The following UNC79 variants were observed in gnomAD, a reference collection of about 807,000 sequenced individuals.
UNC79 encodes unc-79 subunit of NALCN channel complex.
A neutral mutation model predicts 283.1 loss-of-function variants in UNC79; 37 were observed. That is an observed-to-expected ratio of 0.13 (90% CI 0.10 to 0.17). UNC79 has a LOEUF of 0.17. Among genes scored for constraint, UNC79 ranks in the 10% least tolerant of loss-of-function variants. The probability of loss-of-function intolerance (pLI) is 1.00; values close to 1 mark genes in which losing one functional copy is unlikely to be tolerated. For missense variants in UNC79, 2,272 were observed against 3,211.1 expected (o/e 0.71, Z 7.07); for synonymous variants, 1,107 against 1,200.2 (o/e 0.92, Z 1.61).
At chr14:93,532,447 T>A in intron 10 of UNC79, 103 bp from the exon 11 acceptor site, 1 of 1,370,592 alleles carries the variant, frequency 7.3e-7, no homozygotes, top group Non-Finnish European at 9.9e-7. Flanking sequence ...TCCAGCCTGA[T>A]TGACAGAGTG....
At chr14:93,461,583 G>A (rs919718673) in intron 1 of UNC79, among the ~76,000 whole-genome samples, 6 of 152,050 alleles carry the variant, frequency 3.9e-5, no homozygotes, top group African/African-American at 4.8e-5. Context: ...GCTGTAAAAA[G>A]CCATTCTTTC....
At chr14:93,548,279 T>C (rs1160261953) in intron 14 of UNC79, among the ~76,000 whole-genome samples, 3 of 152,148 alleles carry the variant, frequency 2.0e-5, no homozygotes, top group Admixed American at 2.0e-4. Flanking sequence ...GGTAGCTCTC[T>C]GAGGTCCCTT....
intron 11 of UNC79, among the ~76,000 whole-genome samples, chr14:93,533,008 A>T (rs541524310): frequency 3.9e-5 from 6 of 152,312 alleles, no homozygotes; most frequent in Non-Finnish European, 8.8e-5. Context: ...GTATATGGAA[A>T]GTATTTATGT....
intron 1 of UNC79, among the ~76,000 whole-genome samples, chr14:93,391,183 A>G (rs1397113349): frequency 6.6e-6 from 1 of 152,244 alleles, no homozygotes; most frequent in Non-Finnish European, 1.5e-5. Context: ...CAAAGGTGCC[A>G]TTGCACAGTA....
At chr14:93,544,646 T>C (rs2061518334) in intron 14 of UNC79, among the ~76,000 whole-genome samples, 1 of 152,210 alleles carries the variant, frequency 6.6e-6, no homozygotes, top group Non-Finnish European at 1.5e-5. Context: ...GGTTGATTTC[T>C]ATAGAGGGAA....
exon 17 of UNC79, chr14:93,575,190 T>C: frequency 1.2e-6 from 2 of 1,613,628 alleles, no homozygotes; most frequent in Non-Finnish European, 1.7e-6. Flanking sequence ...GAACCTTGCA[T>C]CTCGAAGGGT....
At chr14:93,655,621 A>G (rs1293003814) in intron 38 of UNC79, among the ~76,000 whole-genome samples, 1 of 150,486 alleles carries the variant, frequency 6.6e-6, no homozygotes, top group Non-Finnish European at 1.5e-5. Flanking sequence ...CTGACTATGA[A>G]TATGCATGTT....
intron 3 of UNC79, among the ~76,000 whole-genome samples, chr14:93,477,052 C>T (rs2057842843): frequency 6.6e-6 from 1 of 152,208 alleles, no homozygotes; most frequent in South Asian, 2.1e-4. Context: ...ACTCAATGCA[C>T]ATGGTCATGT....
At position 93,474,147 on chromosome 14, in the gene UNC79, A is replaced by G. The variant is rs961810980; in HGVS notation, c.202A>G (p.Met68Val). 1 of 1,536,062 alleles carries G rather than the reference A, an allele frequency of 6.5e-7. No homozygotes were observed. Among genetic ancestry groups the G allele is most frequent in the Non-Finnish European group, 8.7e-7 (1 of 1,146,844 alleles). ...AGATGCCTCCAATTTGACAGTGCCCATGACCATGTGTCTTTTTCCTGTGCC... is the reference window on the plus strand; with the variant it reads ...AGATGCCTCCAATTTGACAGTGCCCGTGACCATGTGTCTTTTTCCTGTGCC... Residue 68 changes from methionine to valine, a missense_variant, in exon 3 of 49, where the codon ATG becomes GTG. Transcript: ENST00000555664. The surrounding 1 kb of genome is among the most constrained non-coding windows in gnomAD (Gnocchi z 4.1).
At chr14:93,655,669 A>G (rs1470095707) in intron 38 of UNC79, among the ~76,000 whole-genome samples, 1 of 151,960 alleles carries the variant, frequency 6.6e-6, no homozygotes, top group African/African-American at 2.4e-5. Flanking sequence ...AAACAAAAAA[A>G]CAGCCAGGAA....
At chr14:93,635,531 A>T (rs2068437363) in intron 31 of UNC79, among the ~76,000 whole-genome samples, 1 of 152,190 alleles carries the variant, frequency 6.6e-6, no homozygotes, top group Non-Finnish European at 1.5e-5. Context: ...GATGACTATG[A>T]ATTATAATAT....
chr14:93,598,834 G>A (rs978122593), intron 24 of UNC79, among the ~76,000 whole-genome samples: 1 of 152,140 alleles, frequency 6.6e-6, no homozygotes, highest in African/African-American at 2.4e-5. Context: ...CTGAATTATA[G>A]TTTTAATCAA....
At chr14:93,383,725 C>T (rs114947568) in intron 1 of UNC79, among the ~76,000 whole-genome samples, 1,611 of 152,066 alleles carry the variant, frequency 0.011, 26 homozygotes, top group African/African-American at 0.037. Context: ...GGCACGGTGG[C>T]TCACACCTGT....
At chr14:93,523,261 G>A (rs1223881085) in intron 7 of UNC79, among the ~76,000 whole-genome samples, 8 of 152,118 alleles carry the variant, frequency 5.3e-5, no homozygotes, top group African/African-American at 1.7e-4. Context: ...TGTATACTGA[G>A]CTTAGGAGTT....
At chr14:93,398,091 G>A (rs1428058237) in intron 1 of UNC79, among the ~76,000 whole-genome samples, 2 of 152,216 alleles carry the variant, frequency 1.3e-5, no homozygotes, top group Non-Finnish European at 2.9e-5. Context: ...TTTCAATGAT[G>A]TCTTCTCCAT....
chr14:93,383,757 A>G (rs2054711432), intron 1 of UNC79, among the ~76,000 whole-genome samples: 1 of 152,138 alleles, frequency 6.6e-6, no homozygotes, highest in African/African-American at 2.4e-5. Context: ...AATCTCATCT[A>G]GAATTGTAAC....
Position 93,574,467 on chromosome 14 carries a change from C to T in UNC79, c.2071-591C>T, listed in dbSNP as rs145582295. On this transcript the variant is annotated intron_variant, in intron 16 of 48. Transcript: ENST00000555664. The stretch of plus-strand genomic sequence containing the variant: ...ATAGTCCTTTCTGCGTACTTCCTTT[C>T]TTTAAGCAGCTCACAGTGGGAGGGA... Among the ~76,000 whole-genome samples the T allele has an allele frequency of 7.0e-3, 1,060 of 152,274 alleles. 9 individuals carry two copies. The highest frequency in any genetic ancestry group is 0.011 in the Non-Finnish European group (769 of 68,030).
At chr14:93,512,237 A>G (rs911570778) in intron 7 of UNC79, among the ~76,000 whole-genome samples, 1 of 152,172 alleles carries the variant, frequency 6.6e-6, no homozygotes, top group Non-Finnish European at 1.5e-5. Context: ...CATTGTATCC[A>G]ATAGGAAATT....
chr14:93,357,565 C>T (rs1448716139), intron 1 of UNC79, among the ~76,000 whole-genome samples: 1 of 151,030 alleles, frequency 6.6e-6, no homozygotes, highest in African/African-American at 2.4e-5. Context: ...AAACATCAGA[C>T]TCCAAGTTCT....
Sources: gnomAD v4.1 joint callset for allele counts (sites outside exome capture counted in the v4.1 genomes callset) on GRCh38, gnomAD v4.1.1 for gene constraint, Gnocchi (gnomAD v3.1) non-coding constraint, MANE v1.5 for transcripts, NCBI Gene and HGNC (gene_info 2026-07-23, HGNC 2026-07-21) for gene names.